Variants in NINJ2 observed in about 807,000 individuals in gnomAD.
NINJ2 encodes ninjurin 2.
A neutral mutation model predicts 11.7 loss-of-function variants in NINJ2; 12 were observed. That is an observed-to-expected ratio of 1.02 (90% CI 0.66 to 1.66). NINJ2 has a LOEUF of 1.66. Ranked by LOEUF, NINJ2 falls within the 40% of genes most tolerant of loss-of-function variation. The pLI is 0.00. For synonymous variants in NINJ2, 93 were observed against 76.8 expected (o/e 1.21, Z -1.10); for missense variants, 187 against 181.8 (o/e 1.03, Z -0.16).
chr12:651,081 G>A (rs1937779076), intron 1 of NINJ2, among the ~76,000 whole-genome samples: 1 of 151,696 alleles, frequency 6.6e-6, no homozygotes, highest in South Asian at 2.1e-4. Flanking sequence ...AAAACTCCAG[G>A]GTGACCCAGT....
intron 1 of NINJ2, among the ~76,000 whole-genome samples, chr12:583,722 G>A (rs1947591950): frequency 6.6e-6 from 1 of 152,198 alleles, no homozygotes; most frequent in South Asian, 2.1e-4. Context: ...AATGGAGGCG[G>A]TCAACCCCTG....
chr12:575,432 G>C (rs745530796), intron 1 of NINJ2, among the ~76,000 whole-genome samples: 8 of 152,188 alleles, frequency 5.3e-5, no homozygotes, highest in Non-Finnish European at 7.3e-5. Context: ...AGCTGCTCCT[G>C]CTCTGCTCCA....
Position 628,221 on chromosome 12 carries a change from T to C in NINJ2, c.33+35107A>G, listed in dbSNP as rs1187210501. Among the ~76,000 whole-genome samples, 1 of 151,220 alleles carries C rather than the reference T, an allele frequency of 6.6e-6. No homozygotes were observed. Among genetic ancestry groups the C allele is most frequent in the Admixed American group, 6.5e-5 (1 of 15,270 alleles). On this transcript the variant is annotated intron_variant, in intron 1 of 3. Coordinates refer to ENST00000305108, the MANE Select transcript of NINJ2 (RefSeq NM_016533.6). This position sits in a 1 kb window ranked among gnomAD's most constrained non-coding sequence, Gnocchi z 4.4. ...GCCATGAGCCTCTGGCAGGCCTCTG[T>C]GTCACACCTTTCCACCAGGGAAAAC...
chr12:617,344 G>A (rs1367357188), intron 1 of NINJ2, among the ~76,000 whole-genome samples: 4 of 152,192 alleles, frequency 2.6e-5, no homozygotes, highest in East Asian at 1.9e-4. Flanking sequence ...GTCAGAGCAC[G>A]TCCTCCCCTC....
intron 1 of NINJ2, chr12:632,336 G>GT (rs1214547250): frequency 6.6e-6 from 1 of 152,192 alleles, no homozygotes; most frequent in East Asian, 1.9e-4. Context: ...ACCAAACACG[G>GT]TAGCCGTTTG....
chr12:601,111 A>G (rs1947860541), intron 1 of NINJ2, among the ~76,000 whole-genome samples: 1 of 152,222 alleles, frequency 6.6e-6, no homozygotes, highest in African/African-American at 2.4e-5. Flanking sequence ...GAACTGGCAG[A>G]GCATTGTGAA....
chr12:620,100 TC>T (rs769106867), intron 1 of NINJ2, among the ~76,000 whole-genome samples: 1 of 152,204 alleles, frequency 6.6e-6, no homozygotes, highest in Non-Finnish European at 1.5e-5. Context: ...CCCTAAAGCG[TC>T]CTTTCATCCC....
rs1376694156 is a variant in NINJ2 at position 580,848 on chromosome 12, CTGTG to C, written c.34-14674_34-14671del. Among the ~76,000 whole-genome samples the C allele has an allele frequency of 6.7e-6, 1 of 149,372 alleles. No individual in the cohort carries two copies. The highest frequency in any genetic ancestry group is 2.5e-5 in the African/African-American group (1 of 40,220). ...TGTGTCTGTGTGTATGCATGTGTGT[CTGTG>C]TGTGCATGAGTGTCTGTGTGAATGT... On this transcript the variant is annotated intron_variant, in intron 1 of 3. Coordinates refer to ENST00000305108, the MANE Select transcript of NINJ2 (RefSeq NM_016533.6). This position sits in a 1 kb window ranked among gnomAD's most constrained non-coding sequence, Gnocchi z 4.7.
intron 1 of NINJ2, among the ~76,000 whole-genome samples, chr12:587,409 A>T (rs78347179): frequency 3.6e-4 from 55 of 152,372 alleles, no homozygotes; most frequent in Non-Finnish European, 7.5e-4. Context: ...TTTATTGTGC[A>T]GGACAGAATG....
At chr12:577,420 T>TATATATAC (rs1335707559) in intron 1 of NINJ2, among the ~76,000 whole-genome samples, 1 of 141,264 alleles carries the variant, frequency 7.1e-6, no homozygotes, top group Admixed American at 7.3e-5. Flanking sequence ...TAGTCTCATA[T>TATATATAC]ATATATATAC....
At chr12:636,929 C>G (rs572833531) in intron 1 of NINJ2, among the ~76,000 whole-genome samples, 2 of 152,282 alleles carry the variant, frequency 1.3e-5, no homozygotes, top group East Asian at 3.9e-4. Flanking sequence ...GACTCAGATA[C>G]CTATACACCA....
chr12:645,493 A>G (rs1376223219), intron 1 of NINJ2: 2 of 152,168 alleles, frequency 1.3e-5, no homozygotes, highest in African/African-American at 4.8e-5. Flanking sequence ...ATTATTTAGT[A>G]TTTTCATCAA....
chr12:650,550 T>C lies in NINJ2; in HGVS notation c.33+12778A>G, dbSNP rs544013774. Among the ~76,000 whole-genome samples the C allele has an allele frequency of 7.9e-5, 12 of 152,166 alleles. No homozygotes were observed. In the East Asian group the frequency reaches 1.8e-3, roughly 22 times the overall value. ...CTGTCTCTTCCAAAAATTACAAAAA[T>C]TAGCCGGGCGTGGTGGCGGGTGCCT... is the stretch of plus-strand genomic sequence containing the variant. On this transcript the variant is annotated intron_variant, in intron 1 of 3. Coordinates refer to ENST00000305108, the MANE Select transcript of NINJ2 (RefSeq NM_016533.6).
intron 1 of NINJ2, among the ~76,000 whole-genome samples, chr12:648,230 C>G (rs986816035): frequency 6.6e-6 from 1 of 152,186 alleles, no homozygotes; most frequent in Non-Finnish European, 1.5e-5. Flanking sequence ...CCCGCCACCA[C>G]ACCTGGCTAA....
rs1555167668 is a variant in NINJ2, at chr12:653,018, C to CCT, written c.33+10309_33+10310insAG. On this transcript the variant is annotated intron_variant, in intron 1 of 3. Coordinates refer to ENST00000305108, the MANE Select transcript of NINJ2 (RefSeq NM_016533.6). ...TGATATACAAAGTAATATTTTGTTT[C>CCT]TTTTTTTTTTTTTTTTTTTTGAGAT... Among the ~76,000 whole-genome samples the CCT allele has an allele frequency of 3.3e-4, 32 of 96,220 alleles. No individual in the cohort carries two copies. The East Asian group carries it at 0.01, about 31-fold the overall frequency. 63.1% of individuals were successfully genotyped at this position (96,220 alleles called of 152,430 possible).
chr12:632,876 C>T (rs1948299577), intron 1 of NINJ2, among the ~76,000 whole-genome samples: 1 of 152,200 alleles, frequency 6.6e-6, no homozygotes. Context: ...TTGGAAACAT[C>T]GCACCACAGT....
Position 631,505 on chromosome 12 carries a change from A to G in NINJ2, c.33+31823T>C, listed in dbSNP as rs188995794. ...CAGCCTCCCGAGTAGCTGGGAGTAC[A>G]GGCGCGCGCCACCACGCCCAGCTAA... On this transcript the variant is annotated intron_variant, in intron 1 of 3. Coordinates refer to ENST00000305108, the MANE Select transcript of NINJ2 (RefSeq NM_016533.6). Among the ~76,000 whole-genome samples the G allele has an allele frequency of 9.1e-3, 1,379 of 152,264 alleles. 11 individuals carry two copies. The highest frequency in any genetic ancestry group is 0.017 in the Middle Eastern group (5 of 294).
chr12:658,517 G>A (rs1284247670), intron 1 of NINJ2, among the ~76,000 whole-genome samples: 4 of 152,158 alleles, frequency 2.6e-5, no homozygotes, highest in African/African-American at 9.7e-5. Context: ...GCTACATATT[G>A]TATGATTCCA....
At chr12:601,527 C>G (rs576210270) in intron 1 of NINJ2, among the ~76,000 whole-genome samples, 58 of 144,192 alleles carry the variant, frequency 4.0e-4, no homozygotes, top group Middle Eastern at 4.5e-3. Context: ...CAGCCTGGGC[C>G]ACAGAAGCAA....
Sources: allele counts gnomAD v4.1 joint callset (sites outside exome capture counted in the v4.1 genomes callset), GRCh38; gene constraint gnomAD v4.1.1; non-coding constraint Gnocchi (gnomAD v3.1); transcripts MANE v1.5; gene names NCBI Gene and HGNC (gene_info 2026-07-23, HGNC 2026-07-21).